Variants in DBNL observed in about 807,000 individuals in gnomAD.
DBNL encodes the protein drebrin like, also known as drebrin-like protein.
DBNL carries 35 observed loss-of-function variants against 62.2 expected under a neutral mutation model. That is an observed-to-expected ratio of 0.56 (90% confidence interval 0.43 to 0.75). The LOEUF (loss-of-function observed/expected upper bound fraction) is 0.75, where lower values mean the gene tolerates loss of function less well. Ranked by LOEUF, DBNL falls within the 30% of genes least tolerant of loss-of-function variation. The pLI, the probability that DBNL is intolerant of heterozygous loss-of-function variation, is 0.00. For missense variants in DBNL, 495 were observed against 578.4 expected (o/e 0.86, Z 1.48); for synonymous variants, 197 against 218.0 (o/e 0.90, Z 0.85).
rs1262078903 is a variant in DBNL, at chr7:44,060,697, TG to T, written c.1154-76del. On this transcript the variant is annotated intron_variant, in intron 12 of 12. Coordinates refer to ENST00000448521, the MANE Select transcript of DBNL (RefSeq NM_001014436.3). This position sits in a 1 kb window ranked among gnomAD's most constrained non-coding sequence, Gnocchi z 6.3. Reference sequence around the variant, plus strand: ...TGCAGCGAGGTGTGCTGCAGCAGTGTGGGGCTGCCGTGGGCTGCCCGAGCAG... The same window carrying T: ...TGCAGCGAGGTGTGCTGCAGCAGTGTGGGCTGCCGTGGGCTGCCCGAGCAG... 6.4e-7 allele frequency: 1 copy of T among 1,563,886 alleles called. No individual in the cohort carries two copies. The highest frequency in any genetic ancestry group is 2.3e-5 in the East Asian group (1 of 44,428).
rs929655640 is a variant in DBNL at position 44,066,107 on chromosome 7, G to A, written c.*5191G>A. ...CAGGCAGCAGCAGCAGAATGGGCAA[G>A]GGCTGGGGCTGAGCCGGGTTTCCAG... On this transcript the variant is annotated 3_prime_UTR_variant, in exon 13 of 13. Coordinates refer to ENST00000448521, the MANE Select transcript of DBNL (RefSeq NM_001014436.3). 1 of 185,076 alleles carries A rather than the reference G, an allele frequency of 5.4e-6. No homozygotes were observed. Among genetic ancestry groups the A allele is most frequent in the Non-Finnish European group, 1.2e-5 (1 of 86,370 alleles). 11.5% of individuals were successfully genotyped at this position (185,076 alleles called of 1,614,324 possible). A position where few individuals can be genotyped will look rare whatever the true frequency, so the allele number is the denominator to read the frequency against.
At position 44,053,046 on chromosome 7, in the gene DBNL, T is replaced by C. The variant is rs1336162383; in HGVS notation, c.327+105T>C. On this transcript the variant is annotated intron_variant, in intron 4 of 12. Transcript: ENST00000448521. Reference sequence around the variant, plus strand: ...TGGGAATCAGAACTGGAGTTGGGAGTGTGCTCATAGCTAATGCTCTCTGCC... The same window carrying C: ...TGGGAATCAGAACTGGAGTTGGGAGCGTGCTCATAGCTAATGCTCTCTGCC... The C allele has an allele frequency of 7.1e-6, 10 of 1,415,984 alleles. No homozygotes were observed. The East Asian group carries it at 1.5e-4, about 21-fold the overall frequency. The allele number at this position is 1,415,984 out of a possible 1,614,324, so 87.7% of individuals were successfully genotyped here. A position where few individuals can be genotyped will look rare whatever the true frequency, so the allele number is the denominator to read the frequency against.
rs1417727683 is a variant in DBNL at position 44,060,731 on chromosome 7, G to T, written c.1154-46G>T. ...CGTGGGCTGCCCGAGCAGGTGGGAT[G>T]TGGGAGGGAGCCCCTGATATGCATC... On this transcript the variant is annotated intron_variant, in intron 12 of 12. Transcript: ENST00000448521. The surrounding 1 kb of genome is among the most constrained non-coding windows in gnomAD (Gnocchi z 6.3). 6.3e-7 allele frequency: 1 copy of T among 1,599,234 alleles called. No individual in the cohort carries two copies. The highest frequency in any genetic ancestry group is 1.1e-5 in the South Asian group (1 of 90,152).
chr7:44,052,949 C>A lies in DBNL; in HGVS notation c.327+8C>A, dbSNP rs774166773. 1 of 1,611,370 alleles carries A rather than the reference C, an allele frequency of 6.2e-7. No homozygotes were observed. Among genetic ancestry groups the A allele is most frequent in the Non-Finnish European group, 8.5e-7 (1 of 1,179,484 alleles). ...ATGGCCAGCTTCCTGAAGGTAAGGC[C>A]AGGTGAGGCCCGCTTCACTGGGAAC... is the stretch of plus-strand genomic sequence containing the variant. On this transcript the variant is annotated splice_region_variant and intron_variant, in intron 4 of 12. Transcript: ENST00000448521.
chr7:44,058,690 G>A (rs11773576), intron 8 of DBNL: 10,110 of 812,110 alleles, frequency 0.012, 113 homozygotes, highest in Middle Eastern at 0.014. Context: ...TCCTGGGGGA[G>A]GCCCTGGGAG....
chr7:44,046,527 A>G (rs2096117585), intron 1 of DBNL, among the ~76,000 whole-genome samples: 1 of 152,104 alleles, frequency 6.6e-6, no homozygotes, highest in African/African-American at 2.4e-5. Context: ...TCTGTCCCTC[A>G]TGAGGGTTGT....
At position 44,044,729 on chromosome 7, in the gene DBNL, G is replaced by A; in HGVS notation, c.-9G>A. 1 of 1,499,004 alleles carries A rather than the reference G, an allele frequency of 6.7e-7. No homozygotes were observed. Among genetic ancestry groups the A allele is most frequent in the Admixed American group, 2.2e-5 (1 of 45,946 alleles). 92.9% of individuals were successfully genotyped at this position (1,499,004 alleles called of 1,614,324 possible). A position where few individuals can be genotyped will look rare whatever the true frequency, so the allele number is the denominator to read the frequency against. ...CTACAGCAGCGGCGCGGAGACTGCG[G>A]GGCGGGCCATGGCGGCGAACCTGAG... is the stretch of plus-strand genomic sequence containing the variant. On this transcript the variant is annotated 5_prime_UTR_variant, in exon 1 of 13. Coordinates refer to ENST00000448521, the MANE Select transcript of DBNL (RefSeq NM_001014436.3).
In DBNL at chr7:44,063,253, C is replaced by T. The variant is rs1380358249; in HGVS notation, c.*2337C>T. On this transcript the variant is annotated 3_prime_UTR_variant, in exon 13 of 13. Transcript: ENST00000448521. Reference sequence around the variant, plus strand: ...TGAAGTTGAGGGTCAGGAAGGGACACTCACCCTTTGTTTTTTTTTTTTCTT... The same window carrying T: ...TGAAGTTGAGGGTCAGGAAGGGACATTCACCCTTTGTTTTTTTTTTTTCTT... The T allele has an allele frequency of 4.1e-5, 17 of 413,610 alleles. 1 individual carries two copies. The highest frequency in any genetic ancestry group is 6.2e-5 in the Non-Finnish European group (14 of 224,626). 25.6% of individuals were successfully genotyped at this position (413,610 alleles called of 1,614,324 possible). A position where few individuals can be genotyped will look rare whatever the true frequency, so the allele number is the denominator to read the frequency against.
chr7:44,044,867 G>A (rs2096113936), intron 1 of DBNL, 47 bp downstream of exon 1: 3 of 1,392,790 alleles, frequency 2.2e-6, no homozygotes, highest in Non-Finnish European at 2.8e-6. Flanking sequence ...TGCCTCAGGG[G>A]TGGGTCTGTC....
At position 44,059,698 on chromosome 7, in the gene DBNL, C is replaced by T; in HGVS notation, c.1047+40C>T. The stretch of plus-strand genomic sequence containing the variant: ...TGGGGCTGGGGCCAGGAAGGGGCTG[C>T]ATACTCAGGAACACTTATCACGGGC... On this transcript the variant is annotated intron_variant, in intron 11 of 12. Coordinates refer to ENST00000448521, the MANE Select transcript of DBNL (RefSeq NM_001014436.3). This position sits in a 1 kb window ranked among gnomAD's most constrained non-coding sequence, Gnocchi z 4.1. The T allele has an allele frequency of 1.3e-6, 2 of 1,541,204 alleles. No individual in the cohort carries two copies. The highest frequency in any genetic ancestry group is 1.7e-6 in the Non-Finnish European group (2 of 1,145,312).
At position 44,044,751 on chromosome 7, in the gene DBNL, T is replaced by C. The variant is rs1370806174; in HGVS notation, c.14T>C (p.Leu5Pro). The change falls in exon 1 of 13, where the codon CTG (leucine) becomes CCG (proline). Residue 5 changes from leucine (L) to proline (P), a missense_variant. Leu to Pro is a moderately conservative substitution (Grantham distance 98). Transcript: ENST00000448521. MAAN[L>P]SRNGPALQEA... ...GCGGGGCGGGCCATGGCGGCGAACC[T>C]GAGCCGGAACGGGCCAGCGCTGCAA... is the stretch of plus-strand genomic sequence containing the variant. 1 of 1,507,634 alleles carries C rather than the reference T, an allele frequency of 6.6e-7. No individual in the cohort carries two copies. 93.4% of individuals were successfully genotyped at this position (1,507,634 alleles called of 1,614,324 possible).
At chr7:44,047,354 G>T (rs1170018537) in intron 1 of DBNL, among the ~76,000 whole-genome samples, 2 of 152,178 alleles carry the variant, frequency 1.3e-5, no homozygotes, top group Admixed American at 1.3e-4. Context: ...CTAGTTTGGT[G>T]GGTCATAAGA....
chr7:44,060,735 G>T lies in DBNL; in HGVS notation c.1154-42G>T. On this transcript the variant is annotated intron_variant, in intron 12 of 12. Coordinates refer to ENST00000448521, the MANE Select transcript of DBNL (RefSeq NM_001014436.3). The surrounding 1 kb of genome is among the most constrained non-coding windows in gnomAD (Gnocchi z 6.3). ...GGCTGCCCGAGCAGGTGGGATGTGG[G>T]AGGGAGCCCCTGATATGCATCTGGG... 1 of 1,600,446 alleles carries T rather than the reference G, an allele frequency of 6.2e-7. No individual in the cohort carries two copies. The highest frequency in any genetic ancestry group is 8.5e-7 in the Non-Finnish European group (1 of 1,170,696).
At chr7:44,051,021 T>A (rs142149491) in intron 2 of DBNL, 1 of 150,192 alleles carries the variant, frequency 6.7e-6, no homozygotes, top group Non-Finnish European at 1.5e-5. Context: ...ACAGTAGACA[T>A]GTGGTGTGGC....
In DBNL at chr7:44,050,208, C is replaced by T; in HGVS notation, c.84-17C>T. On this transcript the variant is annotated splice_polypyrimidine_tract_variant and intron_variant, in intron 1 of 12. Transcript: ENST00000448521. ...CCCAAGGTGCTGGCTACAGAGCTCACTTGTGTTTCGTTTCAGGGCTCTCTT... is the reference window on the plus strand; with the variant it reads ...CCCAAGGTGCTGGCTACAGAGCTCATTTGTGTTTCGTTTCAGGGCTCTCTT... 3 of 1,613,364 alleles carry T rather than the reference C, an allele frequency of 1.9e-6. No individual in the cohort carries two copies. The highest frequency in any genetic ancestry group is 2.5e-6 in the Non-Finnish European group (3 of 1,179,440).
intron 4 of DBNL, among the ~76,000 whole-genome samples, chr7:44,054,920 C>T (rs1316408667): frequency 1.3e-5 from 2 of 152,224 alleles, no homozygotes. Context: ...CCCTTAACAT[C>T]ATGACCTCCA....
At position 44,060,236 on chromosome 7, in the gene DBNL, G is replaced by A; in HGVS notation, c.1153+83G>A. ...AGGGTCTGGGGTTTTATGGGAAGAT[G>A]GCACCAGGGGGTATCAGGAAGAGAA... On this transcript the variant is annotated intron_variant, in intron 12 of 12. Transcript: ENST00000448521. The surrounding 1 kb of genome is among the most constrained non-coding windows in gnomAD (Gnocchi z 6.3). The A allele has an allele frequency of 8.0e-7, 1 of 1,247,064 alleles. No homozygotes were observed. Among genetic ancestry groups the A allele is most frequent in the Non-Finnish European group, 1.1e-6 (1 of 877,118 alleles). 77.2% of individuals were successfully genotyped at this position (1,247,064 alleles called of 1,614,324 possible). A position where few individuals can be genotyped will look rare whatever the true frequency, so the allele number is the denominator to read the frequency against.
chr7:44,061,035 G>A lies in DBNL; in HGVS notation c.*119G>A. 7.4e-7 allele frequency: 1 copy of A among 1,360,294 alleles called. No individual in the cohort carries two copies. Among genetic ancestry groups the A allele is most frequent in the Non-Finnish European group, 9.8e-7 (1 of 1,020,554 alleles). The allele number at this position is 1,360,294 out of a possible 1,614,324, so 84.3% of individuals were successfully genotyped here. The stretch of plus-strand genomic sequence containing the variant: ...GAATAGGACCCCCAGTGAGGATGAG[G>A]CCTCAGGGCTCCCTCCGGCTTGGCA... On this transcript the variant is annotated 3_prime_UTR_variant, in exon 13 of 13. Coordinates refer to ENST00000448521, the MANE Select transcript of DBNL (RefSeq NM_001014436.3).
intron 3 of DBNL, 123 bp from the exon 4 acceptor site, chr7:44,052,744 T>A: frequency 1.8e-6 from 2 of 1,120,316 alleles, no homozygotes; most frequent in South Asian, 1.4e-5. Context: ...GTCAGAAGAA[T>A]AGGTTCTGCT....
Sources: gnomAD v4.1 joint callset for allele counts (sites outside exome capture counted in the v4.1 genomes callset) on GRCh38, gnomAD v4.1.1 for gene constraint, Gnocchi (gnomAD v3.1) non-coding constraint, MANE v1.5 for transcripts, NCBI Gene and HGNC (gene_info 2026-07-23, HGNC 2026-07-21) for gene names.